The following GMEB1 variants were observed in gnomAD, a reference collection of about 807,000 sequenced individuals.
GMEB1 encodes the protein glucocorticoid modulatory element-binding protein 1.
In GMEB1, 6 loss-of-function variants were observed where a neutral mutation model predicts 52.4. The ratio of observed to expected loss-of-function variants is 0.11; its 90% CI spans 0.06 to 0.23. GMEB1 has a LOEUF of 0.23. Among genes scored for constraint, GMEB1 ranks in the 10% least tolerant of loss-of-function variants. GMEB1 has a pLI of 1.00. For missense variants in GMEB1, 486 were observed against 685.6 expected (o/e 0.71, Z 3.25); for synonymous variants, 255 against 244.9 (o/e 1.04, Z -0.38).
chr1:28,682,698 C>G (rs765710905), intron 1 of GMEB1, among the ~76,000 whole-genome samples: 4 of 151,138 alleles, frequency 2.6e-5, no homozygotes, highest in Non-Finnish European at 4.4e-5. Context: ...TGATAAAAGT[C>G]ATCTTCCCCT....
At chr1:28,699,474 G>T (rs572133168) in intron 6 of GMEB1, among the ~76,000 whole-genome samples, 1 of 151,998 alleles carries the variant, frequency 6.6e-6, no homozygotes, top group African/African-American at 2.4e-5. Context: ...TTGTCACCCG[G>T]GCTGGAGTGC....
intron 8 of GMEB1, among the ~76,000 whole-genome samples, chr1:28,705,473 G>A (rs1670708330): frequency 6.9e-6 from 1 of 145,242 alleles, no homozygotes; most frequent in Non-Finnish European, 1.5e-5. Flanking sequence ...TTCCTGAGAC[G>A]GAGTTTCACT....
intron 8 of GMEB1, among the ~76,000 whole-genome samples, chr1:28,706,977 GTTTTTTTTTTTTT>G (rs1237383046): frequency 3.6e-5 from 3 of 82,748 alleles, no homozygotes; most frequent in Non-Finnish European, 6.5e-5. Flanking sequence ...TCCAGATTTG[GTTTTTTTTTTTTT>G]TTTTTTTTTT....
rs1671263060 is a variant in GMEB1, at chr1:28,715,992, G to C, written c.*1219G>C. 1 of 152,278 alleles carries C rather than the reference G, an allele frequency of 6.6e-6. No homozygotes were observed. 9.4% of individuals were successfully genotyped at this position (152,278 alleles called of 1,614,324 possible). A position where few individuals can be genotyped will look rare whatever the true frequency, so the allele number is the denominator to read the frequency against. On this transcript the variant is annotated 3_prime_UTR_variant, in exon 10 of 10. Transcript: ENST00000373816. ...CACGCGCCTGTAATCCCAGCTACTT[G>C]GGAGGCTGAGGCAGGAGAATTGCTT...
At chr1:28,673,268 G>GT (rs1341486874) in intron 1 of GMEB1, among the ~76,000 whole-genome samples, 1 of 148,678 alleles carries the variant, frequency 6.7e-6, no homozygotes, top group Admixed American at 6.7e-5. Context: ...TTTTTCGTTT[G>GT]TTTGTTTTTT....
At chr1:28,706,830 AGGTT>A (rs1670796261) in intron 8 of GMEB1, among the ~76,000 whole-genome samples, 1 of 150,438 alleles carries the variant, frequency 6.6e-6, no homozygotes, top group Non-Finnish European at 1.5e-5. Context: ...ATGCCTGGCT[AGGTT>A]TTTTGTATTT....
chr1:28,675,782 G>C (rs527266285), intron 1 of GMEB1, among the ~76,000 whole-genome samples: 1 of 151,900 alleles, frequency 6.6e-6, no homozygotes, highest in African/African-American at 2.4e-5. Flanking sequence ...CCAAAGCCCC[G>C]AACGATCAAC....
intron 7 of GMEB1, among the ~76,000 whole-genome samples, 186 bp from the exon 8 acceptor site, chr1:28,704,006 G>C (rs1670633736): frequency 6.6e-6 from 1 of 151,968 alleles, no homozygotes; most frequent in South Asian, 2.1e-4. Flanking sequence ...TGCTGAAGGG[G>C]CGACATAATT....
chr1:28,698,246 G>C (rs545435254), intron 6 of GMEB1, among the ~76,000 whole-genome samples: 46 of 152,194 alleles, frequency 3.0e-4, no homozygotes, highest in Admixed American at 1.2e-3. Flanking sequence ...GCGTGCACCT[G>C]TAGTCCCAGC....
intron 7 of GMEB1, among the ~76,000 whole-genome samples, chr1:28,703,024 A>G (rs1194954677): frequency 5.3e-5 from 8 of 152,168 alleles, no homozygotes; most frequent in Non-Finnish European, 7.3e-5. Flanking sequence ...CTCAAAAAAC[A>G]AAAAACAAAA....
chr1:28,686,332 C>T (rs2124490622), intron 2 of GMEB1, among the ~76,000 whole-genome samples: 1 of 151,848 alleles, frequency 6.6e-6, no homozygotes, highest in African/African-American at 2.4e-5. Flanking sequence ...CAGAGTAAGA[C>T]CGTGTGTCAA....
chr1:28,672,804 A>G (rs1376009425), intron 1 of GMEB1, among the ~76,000 whole-genome samples: 1 of 148,340 alleles, frequency 6.7e-6, no homozygotes, highest in Non-Finnish European at 1.5e-5. Context: ...CAGTGGCACA[A>G]TCTCAGCTCA....
At chr1:28,703,978 C>A (rs1275790590) in intron 7 of GMEB1, among the ~76,000 whole-genome samples, 2 of 151,878 alleles carry the variant, frequency 1.3e-5, no homozygotes, top group African/African-American at 4.8e-5. Flanking sequence ...TTGAGGCAAT[C>A]ATCCCAAGCA....
chr1:28,674,583 G>A (rs1669054483), intron 1 of GMEB1, among the ~76,000 whole-genome samples: 1 of 151,734 alleles, frequency 6.6e-6, no homozygotes, highest in South Asian at 2.1e-4. Flanking sequence ...TAGTAGAGAT[G>A]GGGTTTCTCC....
chr1:28,692,063 T>A (rs1329225322), intron 4 of GMEB1, among the ~76,000 whole-genome samples: 1 of 147,906 alleles, frequency 6.8e-6, no homozygotes, highest in Non-Finnish European at 1.5e-5. Flanking sequence ...CAGGCTAGAG[T>A]GCAGTGACAT....
At position 28,687,397 on chromosome 1, in the gene GMEB1, C is replaced by T. The variant is rs1445646067; in HGVS notation, c.129-2707C>T. 7.1e-5 allele frequency among the ~76,000 whole-genome samples: 2 copies of T among 28,172 alleles called. 1 individual carries two copies. The highest frequency in any genetic ancestry group is 1.5e-4 in the Non-Finnish European group (2 of 12,996). The allele number at this position is 28,172 out of a possible 152,430, so 18.5% of individuals were successfully genotyped here. ...ACACACACACACACACAAAAAAAGA[C>T]AGTGGAGAATAATGTTCTGGGAAGT... On this transcript the variant is annotated intron_variant, in intron 2 of 9. Coordinates refer to ENST00000373816, the MANE Select transcript of GMEB1 (RefSeq NM_001319674.2).
chr1:28,692,471 CAGTG>C (rs1670014155), intron 4 of GMEB1, among the ~76,000 whole-genome samples: 1 of 150,992 alleles, frequency 6.6e-6, no homozygotes, highest in South Asian at 2.1e-4. Context: ...GCAGAGGTTG[CAGTG>C]AGTTGAGATT....
chr1:28,683,505 A>G (rs976391336), intron 1 of GMEB1, 78 bp from the exon 2 acceptor site: 5 of 1,246,782 alleles, frequency 4.0e-6, no homozygotes, highest in Non-Finnish European at 5.5e-6. Context: ...CTGGGATTCC[A>G]GGCGTGAGCC....
At chr1:28,681,739 G>A (rs1184116206) in intron 1 of GMEB1, among the ~76,000 whole-genome samples, 2 of 151,994 alleles carry the variant, frequency 1.3e-5, no homozygotes, top group Non-Finnish European at 2.9e-5. Flanking sequence ...TTTCGCTCTT[G>A]TTGCCCAGGC....
Sources: gnomAD v4.1 joint callset for allele counts (sites outside exome capture counted in the v4.1 genomes callset) on GRCh38, gnomAD v4.1.1 for gene constraint, MANE v1.5 for transcripts, NCBI Gene and HGNC (gene_info 2026-07-23, HGNC 2026-07-21) for gene names.